The following MYO5C variants were observed in gnomAD, a reference collection of about 807,000 sequenced individuals.
MYO5C encodes unconventional myosin-Vc.
A neutral mutation model predicts 235.7 loss-of-function variants in MYO5C; 194 were observed. The observed-to-expected ratio is 0.82, with a 90% CI of 0.73 to 0.93. The LOEUF (loss-of-function observed/expected upper bound fraction) is 0.93. Ranked by LOEUF, MYO5C falls within the 40% of genes least tolerant of loss-of-function variation. MYO5C has a pLI of 0.00. For synonymous variants in MYO5C, 707 were observed against 754.8 expected (o/e 0.94, Z 1.04); for missense variants, 2,038 against 2,127.2 (o/e 0.96, Z 0.82).
At position 52,206,284 on chromosome 15, in the gene MYO5C, G is replaced by T. The variant is rs117652261; in HGVS notation, c.4387-318C>A. Among the ~76,000 whole-genome samples, 1,028 of 152,054 alleles carry T rather than the reference G, an allele frequency of 6.8e-3. 9 individuals carry two copies. Among genetic ancestry groups the T allele is most frequent in the Non-Finnish European group, 0.01 (704 of 68,014 alleles). On this transcript the variant is annotated intron_variant, in intron 36 of 40. Transcript: ENST00000261839. ...TGAAACAAAACTGCAGAGCATTCAAGGAAACAAACTGCTATGAAGAGGTAA... is the reference window on the plus strand; with the variant it reads ...TGAAACAAAACTGCAGAGCATTCAATGAAACAAACTGCTATGAAGAGGTAA...
intron 28 of MYO5C, 66 bp from the exon 29 acceptor site, chr15:52,223,790 G>C (rs976361449): frequency 6.1e-6 from 9 of 1,464,452 alleles, no homozygotes; most frequent in Non-Finnish European, 8.3e-6. Context: ...CTGCTGGGAG[G>C]CAGTTATGAA....
rs759932617 is a variant in MYO5C, at chr15:52,223,524, G to GC, written c.3627+19dup. ...CTCTAGTATGATGGCCACGACTGGGGCCCCTGGCTGAGACCATACCATGTT... is the reference window on the plus strand; with the variant it reads ...CTCTAGTATGATGGCCACGACTGGGGCCCCCTGGCTGAGACCATACCATGTT... On this transcript the variant is annotated intron_variant, in intron 29 of 40. Transcript: ENST00000261839. 1.2e-6 allele frequency: 2 copies of GC among 1,604,096 alleles called. No homozygotes were observed. Among genetic ancestry groups the GC allele is most frequent in the South Asian group, 2.2e-5 (2 of 89,596 alleles).
chr15:52,284,562 A>G (rs928897745), intron 1 of MYO5C, among the ~76,000 whole-genome samples: 1 of 152,216 alleles, frequency 6.6e-6, no homozygotes, highest in African/African-American at 2.4e-5. Context: ...AACCTCAGAC[A>G]ATGCAGACTT....
chr15:52,219,652 A>G (rs2035633220), intron 31 of MYO5C, 107 bp downstream of exon 31: 5 of 803,794 alleles, frequency 6.2e-6, no homozygotes, highest in Non-Finnish European at 8.4e-6. Context: ...ATATATATTA[A>G]TTAGCATCTT....
Position 52,213,305 on chromosome 15 carries a change from A to G in MYO5C, c.4043-19T>C. The G allele has an allele frequency of 6.4e-7, 1 of 1,567,416 alleles. No homozygotes were observed. Among genetic ancestry groups the G allele is most frequent in the Non-Finnish European group, 8.8e-7 (1 of 1,137,518 alleles). On this transcript the variant is annotated intron_variant, in intron 33 of 40. Transcript: ENST00000261839. ...TCATTGGCTGTAGACAGAGGCAAAC[A>G]ATCAGCTAAATACACAAAAGCAGCT...
chr15:52,275,444 T>A, intron 5 of MYO5C, 118 bp downstream of exon 5: 1 of 1,293,362 alleles, frequency 7.7e-7, no homozygotes, highest in African/African-American at 1.5e-5. Context: ...GGGTCTTTCC[T>A]GCCCTCACTT....
intron 36 of MYO5C, among the ~76,000 whole-genome samples, chr15:52,207,333 T>A (rs1030377700): frequency 4.6e-5 from 7 of 152,232 alleles, no homozygotes; most frequent in African/African-American, 1.7e-4. Flanking sequence ...TCCACTGATG[T>A]CTCACAGATG....
chr15:52,200,872 G>T (rs140377877), intron 38 of MYO5C, among the ~76,000 whole-genome samples: 2 of 152,020 alleles, frequency 1.3e-5, no homozygotes, highest in African/African-American at 2.4e-5. Context: ...GGAAATTTTA[G>T]AATTGAAAAA....
intron 35 of MYO5C, 142 bp downstream of exon 35, chr15:52,211,588 T>C (rs1480136541): frequency 3.4e-6 from 3 of 892,660 alleles, no homozygotes; most frequent in East Asian, 2.4e-5. Context: ...ACAGTGTGGC[T>C]CCCTTCACTA....
chr15:52,254,065 T>C (rs1453869384), intron 11 of MYO5C, among the ~76,000 whole-genome samples: 8 of 152,086 alleles, frequency 5.3e-5, no homozygotes, highest in Admixed American at 5.2e-4. Context: ...ACATGAAAGC[T>C]CAATGGGTGC....
At chr15:52,262,740 G>A (rs536903573) in intron 9 of MYO5C, among the ~76,000 whole-genome samples, 5 of 152,296 alleles carry the variant, frequency 3.3e-5, no homozygotes, top group South Asian at 2.1e-4. Context: ...TCCCCAAACC[G>A]TTGGTAGCAG....
In MYO5C at chr15:52,223,823, C is replaced by T. The variant is rs1421666635; in HGVS notation, c.3447-99G>A. 9 of 1,052,398 alleles carry T rather than the reference C, an allele frequency of 8.6e-6. 1 individual carries two copies. The highest frequency in any genetic ancestry group is 5.5e-5 in the South Asian group (3 of 54,840). 65.2% of individuals were successfully genotyped at this position (1,052,398 alleles called of 1,614,324 possible). On this transcript the variant is annotated intron_variant, in intron 28 of 40. Coordinates refer to ENST00000261839, the MANE Select transcript of MYO5C (RefSeq NM_018728.4). ...GAAGACCCACAACAAGAGCCGTGCACGAAGTACATCAAGTTTACTTATGCA... is the reference window on the plus strand; with the variant it reads ...GAAGACCCACAACAAGAGCCGTGCATGAAGTACATCAAGTTTACTTATGCA...
chr15:52,294,046 T>C (rs1566999021), intron 1 of MYO5C, among the ~76,000 whole-genome samples: 1 of 152,252 alleles, frequency 6.6e-6, no homozygotes, highest in Admixed American at 6.5e-5. Flanking sequence ...TCTGGGATTC[T>C]CAGATTCTCA....
At chr15:52,208,229 C>G (rs1344740243) in intron 36 of MYO5C, among the ~76,000 whole-genome samples, 3 of 152,184 alleles carry the variant, frequency 2.0e-5, no homozygotes, top group African/African-American at 4.8e-5. Flanking sequence ...GTAGAGAGAA[C>G]AGCTGTGAAG....
Position 52,223,706 on chromosome 15 carries a change from G to A in MYO5C, c.3465C>T (p.Phe1155=). 6.2e-7 allele frequency: 1 copy of A among 1,613,876 alleles called. No individual in the cohort carries two copies. Among genetic ancestry groups the A allele is most frequent in the Non-Finnish European group, 8.5e-7 (1 of 1,179,896 alleles). Reference sequence around the variant, plus strand: ...TTTCATAGCAATCCTTCTGAGACTGGAAATGGCTCTCCAAAACACTATTAA... The same window carrying A: ...TTTCATAGCAATCCTTCTGAGACTGAAAATGGCTCTCCAAAACACTATTAA... ...KKATRVLESH[F]QSQKDCYEKE... Residue 1155 remains phenylalanine, a synonymous_variant, in exon 29 of 41, where the codon TTC becomes TTT. Coordinates refer to ENST00000261839, the MANE Select transcript of MYO5C (RefSeq NM_018728.4).
rs1016969618 is a variant in MYO5C, at chr15:52,237,480, A to T, written c.2868+2T>A. On this transcript the variant is annotated splice_donor_variant, in intron 22 of 40. Transcript: ENST00000261839. LOFTEE classifies it high-confidence loss of function. ...ATCCCGTCTCACACGCCCGCAGCTG[A>T]CCTCTTCCACAGCATCCCTGTATCT... 2 of 1,613,374 alleles carry T rather than the reference A, an allele frequency of 1.2e-6. No homozygotes were observed. Among genetic ancestry groups the T allele is most frequent in the South Asian group, 1.1e-5 (1 of 90,940 alleles).
rs770244261 is a variant in MYO5C, at chr15:52,218,527, C to T, written c.3946G>A (p.Glu1316Lys). Residue 1316 changes from glutamate (E) to lysine (K), a missense_variant, in exon 32 of 41, where the codon GAA (glutamate) becomes AAA (lysine). By Grantham distance (56) the Glu-to-Lys change is moderately conservative (BLOSUM62 1). Transcript: ENST00000261839. The part of the protein sequence containing the change: ...FRQEASRLTL[E>K]NRDLEEELDM... ...GTTAGAAGACTTCTCACCCTGTTTT[C>T]CAAAGTGAGCCGGGATGCTTCCTGC... is the stretch of plus-strand genomic sequence containing the variant. The T allele has an allele frequency of 1.2e-6, 2 of 1,614,128 alleles. No individual in the cohort carries two copies. The highest frequency in any genetic ancestry group is 8.5e-7 in the Non-Finnish European group (1 of 1,179,976).
At chr15:52,277,201 C>G in intron 4 of MYO5C, 1 of 531,220 alleles carries the variant, frequency 1.9e-6, no homozygotes, top group South Asian at 1.4e-5. Context: ...CACTACCTGT[C>G]TAGCATCAAA....
At chr15:52,294,257 C>T (rs1566999081) in intron 1 of MYO5C, among the ~76,000 whole-genome samples, 2 of 152,226 alleles carry the variant, frequency 1.3e-5, no homozygotes, top group Admixed American at 1.3e-4. Flanking sequence ...TCCAAAGTAT[C>T]GTCGAAGACT....
Sources: allele counts gnomAD v4.1 joint callset (sites outside exome capture counted in the v4.1 genomes callset), GRCh38; gene constraint gnomAD v4.1.1; transcripts MANE v1.5; gene names NCBI Gene and HGNC (gene_info 2026-07-23, HGNC 2026-07-21).